The following ARHGEF1 variants were observed in gnomAD, a reference collection of about 807,000 sequenced individuals.
The protein encoded by ARHGEF1 is Rho guanine nucleotide exchange factor 1, also known as 115 kDa guanine nucleotide exchange factor.
ARHGEF1 carries 40 observed loss-of-function variants against 119.7 expected under a neutral mutation model. The ratio of observed to expected loss-of-function variants is 0.33; its 90% CI spans 0.26 to 0.44. The LOEUF (loss-of-function observed/expected upper bound fraction) is 0.44, where lower values mean the gene tolerates loss of function less well. Ranked by LOEUF, ARHGEF1 falls within the 20% of genes least tolerant of loss-of-function variation. ARHGEF1 has a pLI of 1.00. For missense variants in ARHGEF1, 976 were observed against 1,268.3 expected (o/e 0.77, Z 3.50); for synonymous variants, 494 against 521.0 (o/e 0.95, Z 0.71).
chr19:41,898,930 T>C (rs782770417), intron 14 of ARHGEF1, among the ~76,000 whole-genome samples: 2 of 152,250 alleles, frequency 1.3e-5, no homozygotes, highest in African/African-American at 4.8e-5. Flanking sequence ...GAAGATGAGA[T>C]GATTTGTGTG....
At chr19:41,923,061 C>T (rs1446113864), upstream of ARHGEF1, 11 of 437,622 alleles carry the variant, frequency 2.5e-5, no homozygotes, top group Non-Finnish European at 5.1e-5. Context: ...GTTCAGCGCC[C>T]CCTCTGACCC....
Position 41,903,969 on chromosome 19 carries a change from C to G in ARHGEF1, c.1918-66C>G. 2.1e-6 allele frequency: 3 copies of G among 1,440,676 alleles called. No individual in the cohort carries two copies. In the East Asian group the frequency reaches 6.9e-5, roughly 33 times the overall value. The allele number at this position is 1,440,676 out of a possible 1,614,324, so 89.2% of individuals were successfully genotyped here. On this transcript the variant is annotated intron_variant, in intron 20 of 28. Coordinates refer to ENST00000354532, the MANE Select transcript of ARHGEF1 (RefSeq NM_004706.4). This position sits in a 1 kb window ranked among gnomAD's most constrained non-coding sequence, Gnocchi z 4.2. The stretch of plus-strand genomic sequence containing the variant: ...CATCCCCGGCCACTGCCCTGCCCTT[C>G]CCCTCCCCACCAACCCCAATCACCC...
chr19:41,904,341 G>A lies in ARHGEF1; in HGVS notation c.2119G>A (p.Val707Met), dbSNP rs1013692687. The part of the protein sequence containing the change: ...TPDGKTMLRP[V>M]LRLTSAMTRE... ...CGATGGCAAGACCATGCTGCGGCCC[G>A]TGCTGCGGCTCACCTCCGCCATGAC... Residue 707 changes from valine (V) to methionine (M), a missense_variant, in exon 22 of 29, where the codon GTG (valine) becomes ATG (methionine). Around this residue, in one of 3 missense-constraint regions of ARHGEF1, gnomAD observed 286 missense variants for 506.8 expected, o/e 0.56. Transcript: ENST00000354532. The surrounding 1 kb of genome is among the most constrained non-coding windows in gnomAD (Gnocchi z 8.4). 5.0e-6 allele frequency: 8 copies of A among 1,599,670 alleles called. No individual in the cohort carries two copies. The highest frequency in any genetic ancestry group is 1.7e-5 in the Admixed American group (1 of 58,668).
At chr19:41,912,843 G>A in intron 18 of ARHGEF1, 1 of 1,192,100 alleles carries the variant, frequency 8.4e-7, no homozygotes, top group Non-Finnish European at 1.1e-6. Flanking sequence ...GGGAGGTCCG[G>A]GCCAGTTACC....
intron 18 of ARHGEF1, among the ~76,000 whole-genome samples, chr19:41,915,233 G>A (rs1384641712): frequency 1.4e-5 from 2 of 144,824 alleles, no homozygotes; most frequent in African/African-American, 5.2e-5. Flanking sequence ...GTTATAACGA[G>A]GAGCCGTGGG....
intron 8 of ARHGEF1, 58 bp downstream of exon 8, chr19:41,893,361 G>A: frequency 6.8e-7 from 1 of 1,468,596 alleles, no homozygotes; most frequent in South Asian, 1.3e-5. Flanking sequence ...GGGGGCTGAG[G>A]GCCTGGACTC....
chr19:41,904,208 C>T lies in ARHGEF1; in HGVS notation c.1994-8C>T, dbSNP rs782234328. 2 of 1,613,440 alleles carry T rather than the reference C, an allele frequency of 1.2e-6. No individual in the cohort carries two copies. The highest frequency in any genetic ancestry group is 2.2e-5 in the South Asian group (2 of 91,012). On this transcript the variant is annotated splice_region_variant and splice_polypyrimidine_tract_variant and intron_variant, in intron 21 of 28. Coordinates refer to ENST00000354532, the MANE Select transcript of ARHGEF1 (RefSeq NM_004706.4). The surrounding 1 kb of genome is among the most constrained non-coding windows in gnomAD (Gnocchi z 8.4). The stretch of plus-strand genomic sequence containing the variant: ...GGGCACGCCGTGTGAGCACTGCTCG[C>T]CCCGTAGAGGTGCATGTGCTGCTGC...
At chr19:41,922,230 C>A (rs1015792495), upstream of ARHGEF1, among the ~76,000 whole-genome samples, 2 of 151,886 alleles carry the variant, frequency 1.3e-5, no homozygotes, top group Non-Finnish European at 2.9e-5. Flanking sequence ...GGGCTTGGCA[C>A]CAAGAGTGTA....
chr19:41,908,912 C>T (rs941530687), downstream of ARHGEF1: 7 of 501,632 alleles, frequency 1.4e-5, no homozygotes, highest in Non-Finnish European at 2.2e-5. The surrounding 1 kb of genome is among the most constrained non-coding windows in gnomAD (Gnocchi z 6.7). Flanking sequence ...CACATCACAT[C>T]CTTTTCTGGG....
chr19:41,905,774 T>C lies in ARHGEF1; in HGVS notation c.2351T>C (p.Leu784Pro). The C allele has an allele frequency of 6.2e-7, 1 of 1,613,880 alleles. No homozygotes were observed. The highest frequency in any genetic ancestry group is 8.5e-7 in the Non-Finnish European group (1 of 1,179,958). Residue 784 changes from leucine (L) to proline (P), a missense_variant, in exon 25 of 29, where the codon CTC becomes CCC. Coordinates refer to ENST00000354532, the MANE Select transcript of ARHGEF1 (RefSeq NM_004706.4). This position sits in a 1 kb window ranked among gnomAD's most constrained non-coding sequence, Gnocchi z 6.4. ...CCTCCCCTCAGCACCCGAGAACCCC[T>C]CCTCAGCAGCTCTGAGAACGGCAAT... ...RPSPSSTREP[L>P]LSSSENGNGG...
Position 41,903,895 on chromosome 19 carries a change from G to A in ARHGEF1, c.1917+111G>A. 1.5e-6 allele frequency: 2 copies of A among 1,378,240 alleles called. No individual in the cohort carries two copies. Among genetic ancestry groups the A allele is most frequent in the Non-Finnish European group, 1.0e-6 (1 of 981,062 alleles). The allele number at this position is 1,378,240 out of a possible 1,614,324, so 85.4% of individuals were successfully genotyped here. A position where few individuals can be genotyped will look rare whatever the true frequency, so the allele number is the denominator to read the frequency against. The stretch of plus-strand genomic sequence containing the variant: ...ATCCCATAATACACCCAGGAAGCGA[G>A]AGCTCTGTCCCCCACCTCATGCCAA... On this transcript the variant is annotated intron_variant, in intron 20 of 28. Transcript: ENST00000354532. The surrounding 1 kb of genome is among the most constrained non-coding windows in gnomAD (Gnocchi z 4.2).
At chr19:41,894,419 T>G in intron 9 of ARHGEF1, 32 bp from the exon 10 acceptor site, 1 of 1,536,956 alleles carries the variant, frequency 6.5e-7, no homozygotes, top group Non-Finnish European at 8.8e-7. Context: ...TCAGAGATGC[T>G]TAGCCTGGTC....
Position 41,883,702 on chromosome 19 carries a change from C to G in ARHGEF1, c.-20+413C>G, listed in dbSNP as rs563081004. Reference sequence around the variant, plus strand: ...GCAAAGCGCCATCCTCCAACCCCCGCATGCTTTAGGGCCACCTAAAAATGA... The same window carrying G: ...GCAAAGCGCCATCCTCCAACCCCCGGATGCTTTAGGGCCACCTAAAAATGA... On this transcript the variant is annotated intron_variant, in intron 1 of 28. Coordinates refer to ENST00000354532, the MANE Select transcript of ARHGEF1 (RefSeq NM_004706.4). This position sits in a 1 kb window ranked among gnomAD's most constrained non-coding sequence, Gnocchi z 7.6. 5.9e-5 allele frequency among the ~76,000 whole-genome samples: 9 copies of G among 152,296 alleles called. No individual in the cohort carries two copies. The highest frequency in any genetic ancestry group is 2.0e-4 in the Admixed American group (3 of 15,296).
Position 41,895,439 on chromosome 19 carries a change from G to A in ARHGEF1, c.968G>A (p.Gly323Glu). 6.2e-7 allele frequency: 1 copy of A among 1,612,412 alleles called. No homozygotes were observed. Among genetic ancestry groups the A allele is most frequent in the Non-Finnish European group, 8.5e-7 (1 of 1,179,582 alleles). ...GGGGCTCCTGGGCAGGACACCCCTGGAGTCTCTCTGCACCCTCTGTCCCTG... is the reference window on the plus strand; with the variant it reads ...GGGGCTCCTGGGCAGGACACCCCTGAAGTCTCTCTGCACCCTCTGTCCCTG... ...NIGAPGQDTP[G>E]VSLHPLSLDS... The change falls in exon 12 of 29, where the codon GGA becomes GAA. Residue 323 changes from glycine (G) to glutamate (E), a missense_variant. Physicochemically the swap from Gly to Glu is moderately conservative, Grantham distance 98 (BLOSUM62 -2). Coordinates refer to ENST00000354532, the MANE Select transcript of ARHGEF1 (RefSeq NM_004706.4).
At position 41,889,116 on chromosome 19, in the gene ARHGEF1, G is replaced by A. The variant is rs1555845792; in HGVS notation, c.225+251G>A. 3 of 416,256 alleles carry A rather than the reference G, an allele frequency of 7.2e-6. No individual in the cohort carries two copies. Among genetic ancestry groups the A allele is most frequent in the Non-Finnish European group, 8.8e-6 (2 of 227,256 alleles). 25.8% of individuals were successfully genotyped at this position (416,256 alleles called of 1,614,324 possible). On this transcript the variant is annotated intron_variant, in intron 4 of 28. Transcript: ENST00000354532. This position sits in a 1 kb window ranked among gnomAD's most constrained non-coding sequence, Gnocchi z 4.0. ...CAGGGTACACACGTCAGGACCCCGC[G>A]GAGCCACAGAGAGTCCAGCAGCCTG...
At chr19:41,920,141 A>G (rs1314595189), upstream of ARHGEF1, among the ~76,000 whole-genome samples, 1 of 131,540 alleles carries the variant, frequency 7.6e-6, no homozygotes, top group Non-Finnish European at 1.6e-5. Context: ...GCGCTCACAG[A>G]CATGACACGC....
In ARHGEF1 at chr19:41,889,706, AAAG is replaced by A. The variant is rs1299179427; in HGVS notation, c.225+847_225+849del. The A allele has an allele frequency of 6.6e-6, 1 of 152,290 alleles. No individual in the cohort carries two copies. The highest frequency in any genetic ancestry group is 1.5e-5 in the Non-Finnish European group (1 of 68,076). 9.4% of individuals were successfully genotyped at this position (152,290 alleles called of 1,614,324 possible). On this transcript the variant is annotated intron_variant, in intron 4 of 28. Coordinates refer to ENST00000354532, the MANE Select transcript of ARHGEF1 (RefSeq NM_004706.4). The surrounding 1 kb of genome is among the most constrained non-coding windows in gnomAD (Gnocchi z 4.0). The stretch of plus-strand genomic sequence containing the variant: ...GGGGAGAAGTGCCCGAGGCATGCAG[AAAG>A]AAGAACATGTCAGCTGCAAGACCAG...
Position 41,906,007 on chromosome 19 carries a change from G to A in ARHGEF1, c.2473G>A (p.Ala825Thr). 2 of 1,613,974 alleles carry A rather than the reference G, an allele frequency of 1.2e-6. No homozygotes were observed. Among genetic ancestry groups the A allele is most frequent in the Non-Finnish European group, 1.7e-6 (2 of 1,179,988 alleles). ...CRPGPEGQLAATALRKVLSLK... is the reference protein window; with the variant it reads ...CRPGPEGQLATTALRKVLSLK... Reference sequence around the variant, plus strand: ...ACCAGGCCCCGAGGGCCAGCTCGCTGCCACGGCCCTTCGGAAAGGTAGCCC... The same window carrying A: ...ACCAGGCCCCGAGGGCCAGCTCGCTACCACGGCCCTTCGGAAAGGTAGCCC... The change falls in exon 26 of 29, where the codon GCC (alanine) becomes ACC (threonine). Residue 825 changes from alanine (A) to threonine (T), a missense_variant. Ala to Thr is a moderately conservative substitution (Grantham distance 58). Coordinates refer to ENST00000354532, the MANE Select transcript of ARHGEF1 (RefSeq NM_004706.4). This position sits in a 1 kb window ranked among gnomAD's most constrained non-coding sequence, Gnocchi z 4.5.
At chr19:41,923,322 G>A in intron 1 of ARHGEF1, 1 of 379,930 alleles carries the variant, frequency 2.6e-6, no homozygotes, top group Middle Eastern at 4.9e-4. Flanking sequence ...GACAAGACAA[G>A]GAGACAGACA....
Sources: allele counts gnomAD v4.1 joint callset (sites outside exome capture counted in the v4.1 genomes callset), GRCh38; gene constraint gnomAD v4.1.1; regional missense constraint gnomAD v4.1.1; non-coding constraint Gnocchi (gnomAD v3.1); transcripts MANE v1.5; gene names NCBI Gene and HGNC (gene_info 2026-07-23, HGNC 2026-07-21).